The following MACROD2 variants were observed in gnomAD, a reference collection of about 807,000 sequenced individuals.
MACROD2 encodes the protein ADP-ribose glycohydrolase MACROD2.
In MACROD2, 36 loss-of-function variants were observed where a neutral mutation model predicts 70.4. The ratio of observed to expected loss-of-function variants is 0.51; its 90% CI spans 0.39 to 0.68. MACROD2 has a LOEUF of 0.68. Among genes scored for constraint, MACROD2 ranks in the 30% least tolerant of loss-of-function variants. The pLI, the probability that MACROD2 is intolerant of heterozygous loss-of-function variation, is 0.00. For missense variants in MACROD2, 496 were observed against 538.4 expected, an observed-to-expected ratio of 0.92 and a Z score of 0.78; for synonymous variants, 172 against 178.8, an observed-to-expected ratio of 0.96 and a Z score of 0.30.
intron 6 of MACROD2, among the ~76,000 whole-genome samples, chr20:15,328,145 C>T (rs1247975947): frequency 4.6e-5 from 7 of 151,924 alleles, no homozygotes; most frequent in African/African-American, 2.4e-5. Context: ...GGACAGGCCT[C>T]ATTAGGAAGG....
At chr20:15,426,491 T>C (rs2046300006) in intron 6 of MACROD2, among the ~76,000 whole-genome samples, 1 of 152,060 alleles carries the variant, frequency 6.6e-6, no homozygotes, top group Non-Finnish European at 1.5e-5. Context: ...ACTACAGGCA[T>C]GTGCCACCAT....
At chr20:15,130,291 A>G (rs2076095910) in intron 5 of MACROD2, among the ~76,000 whole-genome samples, 1 of 151,986 alleles carries the variant, frequency 6.6e-6, no homozygotes, top group African/African-American at 2.4e-5. Context: ...CCAAGGAGGA[A>G]AAAACTCCCG....
intron 5 of MACROD2, chr20:14,905,728 T>G (rs1452945924): frequency 6.6e-6 from 1 of 152,214 alleles, no homozygotes; most frequent in Non-Finnish European, 1.5e-5. Flanking sequence ...TGTTGTCATA[T>G]CCTTTAGACT....
chr20:15,936,125 A>G (rs1280563514), intron 11 of MACROD2, among the ~76,000 whole-genome samples: 1 of 151,774 alleles, frequency 6.6e-6, no homozygotes, highest in Non-Finnish European at 1.5e-5. Flanking sequence ...CGACCCTGCT[A>G]CTACATAAAA....
chr20:15,393,609 A>G (rs1437481337), intron 6 of MACROD2, among the ~76,000 whole-genome samples: 4 of 151,922 alleles, frequency 2.6e-5, no homozygotes, highest in Admixed American at 2.6e-4. Flanking sequence ...GATTTTTCTT[A>G]TTCAATTTCA....
At chr20:15,435,156 C>G (rs1397751948) in intron 7 of MACROD2, among the ~76,000 whole-genome samples, 1 of 151,776 alleles carries the variant, frequency 6.6e-6, no homozygotes, top group Non-Finnish European at 1.5e-5. Context: ...CCACATGTAC[C>G]CCCAAAAATG....
chr20:15,178,402 C>T (rs2076477287), intron 5 of MACROD2, among the ~76,000 whole-genome samples: 1 of 152,142 alleles, frequency 6.6e-6, no homozygotes, highest in Non-Finnish European at 1.5e-5. Flanking sequence ...TTTACTTAAT[C>T]CTCACAATTA....
At chr20:14,345,267 CATT>C (rs1263227270) in intron 3 of MACROD2, among the ~76,000 whole-genome samples, 1 of 151,684 alleles carries the variant, frequency 6.6e-6, no homozygotes, top group Admixed American at 6.6e-5. Flanking sequence ...TTATTATTGT[CATT>C]GTTATTATTA....
At chr20:14,349,814 CT>C (rs538685508) in intron 3 of MACROD2, among the ~76,000 whole-genome samples, 3,616 of 132,190 alleles carry the variant, frequency 0.027, 27 homozygotes, top group African/African-American at 0.034. Context: ...TTCTTTTTTT[CT>C]TTTTTTTTTT....
chr20:15,977,500 A>T (rs549823624), intron 13 of MACROD2, among the ~76,000 whole-genome samples: 2 of 152,246 alleles, frequency 1.3e-5, no homozygotes, highest in Non-Finnish European at 2.9e-5. Flanking sequence ...GTAGCATACA[A>T]GACTTTACCT....
At chr20:15,318,751 G>T (rs879880065) in intron 6 of MACROD2, among the ~76,000 whole-genome samples, 9 of 152,016 alleles carry the variant, frequency 5.9e-5, no homozygotes, top group Non-Finnish European at 1.0e-4. Context: ...AAAAGAATTT[G>T]ACACAATCCA....
intron 4 of MACROD2, among the ~76,000 whole-genome samples, chr20:14,663,553 C>T (rs1384639006): frequency 6.7e-6 from 1 of 149,590 alleles, no homozygotes; most frequent in East Asian, 2.0e-4. Flanking sequence ...CACACACACA[C>T]ACATGCACAC....
chr20:15,419,396 C>T (rs2046198047), intron 6 of MACROD2, among the ~76,000 whole-genome samples: 1 of 152,142 alleles, frequency 6.6e-6, no homozygotes, highest in Non-Finnish European at 1.5e-5. Context: ...GGGGGCGTAT[C>T]ATGGACAGGG....
rs2064801992 is a variant in MACROD2, at chr20:15,884,790, A to C, written c.728-974A>C. ...ATCATAGACTCAGTGGCTTACAAACAAAAGAAATTTATTTCTGACAGTTCT... is the reference window on the plus strand; with the variant it reads ...ATCATAGACTCAGTGGCTTACAAACCAAAGAAATTTATTTCTGACAGTTCT... On this transcript the variant is annotated intron_variant, in intron 9 of 17. Coordinates refer to ENST00000684519, the MANE Select transcript of MACROD2 (RefSeq NM_001351661.2). Among the ~76,000 whole-genome samples the C allele has an allele frequency of 2.0e-5, 3 of 152,052 alleles. No homozygotes were observed. In the South Asian group the frequency reaches 6.2e-4, roughly 32 times the overall value.
intron 8 of MACROD2, among the ~76,000 whole-genome samples, chr20:15,792,772 C>G (rs2147058626): frequency 6.6e-6 from 1 of 152,306 alleles, no homozygotes; most frequent in African/African-American, 2.4e-5. Flanking sequence ...GCGCAGAAGT[C>G]TGGAATATAC....
At chr20:15,241,372 A>G (rs990566588) in intron 6 of MACROD2, among the ~76,000 whole-genome samples, 1 of 152,188 alleles carries the variant, frequency 6.6e-6, no homozygotes, top group African/African-American at 2.4e-5. Context: ...TCATTTCTAG[A>G]TGCTGTGACA....
At chr20:15,098,608 G>A (rs1459471160) in intron 5 of MACROD2, among the ~76,000 whole-genome samples, 3 of 152,178 alleles carry the variant, frequency 2.0e-5, no homozygotes, top group Admixed American at 1.3e-4. Flanking sequence ...GCTTAGTGCC[G>A]TGAATAGAGT....
At chr20:15,159,908 T>C in intron 5 of MACROD2, among the ~76,000 whole-genome samples, 1 of 152,030 alleles carries the variant, frequency 6.6e-6, no homozygotes, top group Non-Finnish European at 1.5e-5. Flanking sequence ...TTGAGTTGAC[T>C]TTCCCAGGAA....
At chr20:15,100,053 G>A (rs1032175515) in intron 5 of MACROD2, among the ~76,000 whole-genome samples, 2 of 151,994 alleles carry the variant, frequency 1.3e-5, no homozygotes, top group African/African-American at 4.8e-5. Flanking sequence ...TTTGTGACAG[G>A]TAGAACTTGC....
Sources: allele counts gnomAD v4.1 joint callset (sites outside exome capture counted in the v4.1 genomes callset), GRCh38; gene constraint gnomAD v4.1.1; transcripts MANE v1.5; gene names NCBI Gene and HGNC (gene_info 2026-07-23, HGNC 2026-07-21).